The following STK38 variants were observed in gnomAD, a reference collection of about 807,000 sequenced individuals.
STK38 encodes serine/threonine-protein kinase 38.
STK38 carries 26 observed loss-of-function variants against 59.0 expected under a neutral mutation model. The ratio of observed to expected loss-of-function variants is 0.44; its 90% CI spans 0.32 to 0.61. STK38 has a LOEUF of 0.61. Among genes scored for constraint, STK38 ranks in the 20% least tolerant of loss-of-function variants. The pLI is 0.04. For missense variants in STK38, 433 were observed against 566.0 expected, an observed-to-expected ratio of 0.76 and a Z score of 2.38; for synonymous variants, 175 against 176.6, an observed-to-expected ratio of 0.99 and a Z score of 0.07.
At chr6:36,539,902 A>G (rs1777889602) in intron 2 of STK38, among the ~76,000 whole-genome samples, 170 bp downstream of exon 2, 1 of 151,992 alleles carries the variant, frequency 6.6e-6, no homozygotes, top group Admixed American at 6.6e-5. Flanking sequence ...TTGTAGGCAT[A>G]AGTGGGTTAA....
chr6:36,530,254 G>C (rs1415340262), intron 2 of STK38, among the ~76,000 whole-genome samples: 12 of 151,172 alleles, frequency 7.9e-5, no homozygotes, highest in African/African-American at 2.9e-4. Context: ...GAAAAGAGAA[G>C]AGAAGAGGAG....
In STK38 at chr6:36,515,459, G is replaced by GT. The variant is rs1205370495; in HGVS notation, c.547dup (p.Thr183AsnfsTer48). 3.1e-6 allele frequency: 5 copies of GT among 1,613,788 alleles called. No homozygotes were observed. The African/African-American group carries it at 6.7e-5, about 22-fold the overall frequency. On this transcript the variant is annotated frameshift_variant, in exon 7 of 14. Coordinates refer to ENST00000229812, the MANE Select transcript of STK38 (RefSeq NM_007271.4). LOFTEE classifies it high-confidence loss of function. Reference sequence around the variant, plus strand: ...AAACTGAGTCTCCTCTTCTGTCAGAGTGTCTTTTTTCATCAACAAGGTCAT... The same window carrying GT: ...AAACTGAGTCTCCTCTTCTGTCAGAGTTGTCTTTTTTCATCAACAAGGTCAT...
chr6:36,527,228 A>ATATT (rs1281352022), intron 2 of STK38, among the ~76,000 whole-genome samples: 12 of 143,342 alleles, frequency 8.4e-5, no homozygotes, highest in African/African-American at 1.8e-4. Flanking sequence ...ATATATATAT[A>ATATT]TTTATATGTA....
chr6:36,543,009 T>C (rs552493137), intron 1 of STK38, among the ~76,000 whole-genome samples: 3 of 152,276 alleles, frequency 2.0e-5, no homozygotes, highest in South Asian at 4.1e-4. Flanking sequence ...ACCTGTATTA[T>C]CACACTTGGC....
At chr6:36,545,083 A>C (rs1251373220) in intron 1 of STK38, among the ~76,000 whole-genome samples, 1 of 152,054 alleles carries the variant, frequency 6.6e-6, no homozygotes, top group Non-Finnish European at 1.5e-5. Context: ...TGAAGTCAGG[A>C]GTTGGAGACT....
chr6:36,526,535 G>C (rs559093884), intron 2 of STK38, among the ~76,000 whole-genome samples: 1 of 152,192 alleles, frequency 6.6e-6, no homozygotes, highest in Admixed American at 6.5e-5. Context: ...GAGGCAGATG[G>C]GTCACTTGAG....
In STK38 at chr6:36,507,368, C is replaced by G. The variant is rs571887282; in HGVS notation, c.772+132G>C. On this transcript the variant is annotated intron_variant, in intron 8 of 13. Coordinates refer to ENST00000229812, the MANE Select transcript of STK38 (RefSeq NM_007271.4). ...CAGACAACACAAATCACAGGCAAAC[C>G]TGGGAAGGTATTTTTATTCTCTACA... The G allele has an allele frequency of 1.4e-4, 104 of 767,248 alleles. 1 individual carries two copies. The South Asian group carries it at 1.6e-3, about 12-fold the overall frequency. 47.5% of individuals were successfully genotyped at this position (767,248 alleles called of 1,614,324 possible).
At chr6:36,509,482 C>T (rs749484184) in intron 7 of STK38, among the ~76,000 whole-genome samples, 40 of 152,074 alleles carry the variant, frequency 2.6e-4, no homozygotes, top group Admixed American at 7.9e-4. Flanking sequence ...TTCTCTTATC[C>T]GGTGCCTGAA....
At chr6:36,502,537 C>T (rs890991870) in intron 9 of STK38, among the ~76,000 whole-genome samples, 4 of 151,734 alleles carry the variant, frequency 2.6e-5, no homozygotes, top group African/African-American at 7.3e-5. Flanking sequence ...CCCAGATTGA[C>T]GCTTGTTATT....
intron 10 of STK38, among the ~76,000 whole-genome samples, chr6:36,499,102 T>C (rs1397273672): frequency 1.3e-5 from 2 of 152,010 alleles, no homozygotes; most frequent in Non-Finnish European, 2.9e-5. Context: ...ATAAATAGAG[T>C]TGCAGGTGTG....
At chr6:36,536,011 G>A (rs1301128405) in intron 2 of STK38, among the ~76,000 whole-genome samples, 1 of 152,048 alleles carries the variant, frequency 6.6e-6, no homozygotes, top group Admixed American at 6.6e-5. Context: ...ACCAAAGCTG[G>A]AGGACTTACA....
chr6:36,524,325 T>C lies in STK38; in HGVS notation c.306+16A>G. ...TTGCAATATTTTTCTACTTGACAAG[T>C]AGCTGTGATTTTTACCTCACCAAAT... On this transcript the variant is annotated intron_variant, in intron 4 of 13. Transcript: ENST00000229812. 2 of 1,595,310 alleles carry C rather than the reference T, an allele frequency of 1.3e-6. No individual in the cohort carries two copies. Among genetic ancestry groups the C allele is most frequent in the Non-Finnish European group, 1.7e-6 (2 of 1,174,920 alleles).
intron 7 of STK38, among the ~76,000 whole-genome samples, chr6:36,511,958 C>A (rs1375669679): frequency 3.9e-5 from 6 of 152,028 alleles, no homozygotes; most frequent in Non-Finnish European, 7.4e-5. Context: ...ACTTGGGAGG[C>A]TGAGGCAGGA....
intron 7 of STK38, among the ~76,000 whole-genome samples, chr6:36,512,670 T>C (rs933071412): frequency 6.6e-6 from 1 of 152,184 alleles, no homozygotes; most frequent in Non-Finnish European, 1.5e-5. Flanking sequence ...CTTTCTTCTT[T>C]TTTTTTTGAG....
intron 1 of STK38, 104 bp from the exon 2 acceptor site, chr6:36,540,311 G>C: frequency 4.3e-6 from 5 of 1,167,012 alleles, no homozygotes; most frequent in Non-Finnish European, 4.9e-6. Flanking sequence ...CAAGTTTTCT[G>C]GAGGACAAAC....
chr6:36,531,751 T>C (rs1324216044), intron 2 of STK38, among the ~76,000 whole-genome samples: 1 of 152,246 alleles, frequency 6.6e-6, no homozygotes, highest in Admixed American at 6.5e-5. Context: ...AGCTACTATA[T>C]TGTTTCTATG....
At chr6:36,520,770 G>A (rs749550144) in intron 5 of STK38, among the ~76,000 whole-genome samples, 3 of 152,038 alleles carry the variant, frequency 2.0e-5, no homozygotes, top group South Asian at 2.1e-4. Flanking sequence ...AAAGCTTCTC[G>A]GTAACACATG....
intron 8 of STK38, among the ~76,000 whole-genome samples, chr6:36,507,169 A>G (rs940394739): frequency 2.7e-5 from 4 of 150,302 alleles, no homozygotes; most frequent in Admixed American, 2.0e-4. Context: ...GTCATGAAGG[A>G]CAAATCTAGC....
At chr6:36,521,223 T>C (rs1292650470) in intron 5 of STK38, among the ~76,000 whole-genome samples, 1 of 152,212 alleles carries the variant, frequency 6.6e-6, no homozygotes, top group East Asian at 1.9e-4. Flanking sequence ...TTCAAATTCA[T>C]TCAGAAATTA....
Sources: gnomAD v4.1 joint callset for allele counts (sites outside exome capture counted in the v4.1 genomes callset) on GRCh38, gnomAD v4.1.1 for gene constraint, MANE v1.5 for transcripts, NCBI Gene and HGNC (gene_info 2026-07-23, HGNC 2026-07-21) for gene names.